FMNL2: variants seen among roughly 807,000 people sequenced by gnomAD.
FMNL2 encodes the protein formin like 2.
Under a neutral mutation model 130.2 loss-of-function variants are expected in FMNL2, and 51 were observed. The ratio of observed to expected loss-of-function variants is 0.39; its 90% CI spans 0.31 to 0.49. The LOEUF (loss-of-function observed/expected upper bound fraction) is 0.49, where lower values mean the gene tolerates loss of function less well. Ranked by LOEUF, FMNL2 falls within the 20% of genes least tolerant of loss-of-function variation. FMNL2 has a pLI of 0.85. For synonymous variants in FMNL2, 465 were observed against 467.1 expected, an observed-to-expected ratio of 1.00 and a Z score of 0.06; for missense variants, 977 against 1,316.2, an observed-to-expected ratio of 0.74 and a Z score of 3.99.
chr2:152,369,501 T>C (rs571794103), intron 1 of FMNL2, among the ~76,000 whole-genome samples: 2 of 152,346 alleles, frequency 1.3e-5, no homozygotes, highest in Admixed American at 6.5e-5. Context: ...TTTCATTTTA[T>C]TGAGTTTGCC....
chr2:152,423,953 C>A (rs917985618), intron 1 of FMNL2, among the ~76,000 whole-genome samples: 1 of 152,266 alleles, frequency 6.6e-6, no homozygotes, highest in South Asian at 2.1e-4. Context: ...TGCCCATTAA[C>A]CTTGCCTATT....
chr2:152,554,040 G>T (rs1006169992), intron 4 of FMNL2, among the ~76,000 whole-genome samples: 2 of 152,094 alleles, frequency 1.3e-5, no homozygotes, highest in Admixed American at 6.5e-5. Context: ...AAATTGAACG[G>T]CTAGTAACTA....
At chr2:152,571,896 A>ATT (rs34553108) in intron 6 of FMNL2, among the ~76,000 whole-genome samples, 200 of 151,530 alleles carry the variant, frequency 1.3e-3, no homozygotes, top group African/African-American at 3.3e-3. Context: ...TACTGCTGTG[A>ATT]TTTTTTTTTC....
intron 9 of FMNL2, among the ~76,000 whole-genome samples, chr2:152,607,068 C>G (rs17328272): frequency 0.24 from 29,899 of 125,286 alleles, 3,405 homozygotes; most frequent in Admixed American, 0.29. Context: ...CTAAAAAATT[C>G]GTGAGACTGC....
At chr2:152,568,332 C>T (rs765867913) in intron 6 of FMNL2, among the ~76,000 whole-genome samples, 14 of 150,948 alleles carry the variant, frequency 9.3e-5, no homozygotes, top group African/African-American at 2.0e-4. Flanking sequence ...TCTTTTGCCT[C>T]ACCCTCCCAA....
At chr2:152,616,327 G>GTTTTTTTTTTTTTTTTTTTTTTTGTGGTT (rs36107333) in intron 12 of FMNL2, among the ~76,000 whole-genome samples, 1 of 110,056 alleles carries the variant, frequency 9.1e-6, no homozygotes, top group Non-Finnish European at 1.8e-5. Context: ...ATTTTTGTGG[G>GTTTTTTTTTTTTTTTTTTTTTTTGTGGTT]TTTTTTTTTT....
At chr2:152,570,479 T>C (rs1400311044) in intron 6 of FMNL2, among the ~76,000 whole-genome samples, 1 of 152,202 alleles carries the variant, frequency 6.6e-6, no homozygotes, top group Non-Finnish European at 1.5e-5. Flanking sequence ...GACTCAGCTA[T>C]TTTCTGTCTC....
chr2:152,573,647 GTTA>G (rs768178840), intron 6 of FMNL2, among the ~76,000 whole-genome samples: 16 of 152,064 alleles, frequency 1.1e-4, no homozygotes, highest in Non-Finnish European at 2.2e-4. Flanking sequence ...AATTTATAAT[GTTA>G]TTATTTTAGA....
At chr2:152,496,016 A>C (rs146074811) in intron 1 of FMNL2, among the ~76,000 whole-genome samples, 2,136 of 150,144 alleles carry the variant, frequency 0.014, 31 homozygotes, top group Admixed American at 0.02. Flanking sequence ...AAAAAGTTGC[A>C]AACTAGTACA....
chr2:152,442,267 T>C (rs547736950), intron 1 of FMNL2, among the ~76,000 whole-genome samples: 57 of 152,158 alleles, frequency 3.7e-4, no homozygotes, highest in African/African-American at 1.3e-3. Flanking sequence ...TCTTTTTTTT[T>C]TGAGACGGAG....
At chr2:152,486,978 T>G (rs1037615706) in intron 1 of FMNL2, among the ~76,000 whole-genome samples, 4 of 152,238 alleles carry the variant, frequency 2.6e-5, no homozygotes, top group Admixed American at 6.5e-5. Context: ...CAAGTTATAT[T>G]AATTTAATAG....
At chr2:152,540,761 C>G (rs1056643606) in intron 2 of FMNL2, among the ~76,000 whole-genome samples, 2 of 151,788 alleles carry the variant, frequency 1.3e-5, no homozygotes, top group African/African-American at 2.4e-5. Flanking sequence ...TTAGTGGGTG[C>G]AGCGCACCAG....
chr2:152,353,562 A>T (rs1461012331), intron 1 of FMNL2, among the ~76,000 whole-genome samples: 1 of 152,196 alleles, frequency 6.6e-6, no homozygotes, highest in Non-Finnish European at 1.5e-5. Context: ...ATGATCTTGG[A>T]CTTTGGACTA....
chr2:152,421,466 G>A (rs187023508), intron 1 of FMNL2, among the ~76,000 whole-genome samples: 5 of 152,282 alleles, frequency 3.3e-5, no homozygotes, highest in Non-Finnish European at 5.9e-5. Context: ...GTGCAATTGT[G>A]AGATGTAAAT....
chr2:152,560,511 T>C (rs2105595670), intron 5 of FMNL2, among the ~76,000 whole-genome samples: 1 of 152,338 alleles, frequency 6.6e-6, no homozygotes, highest in Non-Finnish European at 1.5e-5. Flanking sequence ...AGTATAAGCC[T>C]AACATATTGA....
intron 1 of FMNL2, among the ~76,000 whole-genome samples, chr2:152,508,161 A>T (rs747266459): frequency 9.9e-5 from 15 of 152,048 alleles, no homozygotes; most frequent in Non-Finnish European, 2.1e-4. Context: ...CAATGAATGG[A>T]CCTATTTGTC....
intron 12 of FMNL2, 62 bp downstream of exon 12, chr2:152,615,062 A>G: frequency 6.4e-7 from 1 of 1,568,186 alleles, no homozygotes; most frequent in Middle Eastern, 1.7e-4. Flanking sequence ...AGCAGAATTA[A>G]TGTCAGCTTT....
chr2:152,431,965 T>TAAAAAAAAAAAAAAAAA lies in FMNL2; in HGVS notation c.118-89974_118-89958dup, dbSNP rs60639670. ...GGGCAACAGAGTGAAACCCTATCTT[T>TAAAAAAAAAAAAAAAAA]AAAAAAAAAAAAAAAAAAAAGATTT... is the stretch of plus-strand genomic sequence containing the variant. On this transcript the variant is annotated intron_variant, in intron 1 of 25. Coordinates refer to ENST00000288670, the MANE Select transcript of FMNL2 (RefSeq NM_052905.4). Among the ~76,000 whole-genome samples, 36 of 82,150 alleles carry TAAAAAAAAAAAAAAAAA rather than the reference T, an allele frequency of 4.4e-4. 3 individuals carry two copies. Among genetic ancestry groups the TAAAAAAAAAAAAAAAAA allele is most frequent in the African/African-American group, 2.1e-3 (33 of 15,620 alleles). 53.9% of individuals were successfully genotyped at this position (82,150 alleles called of 152,430 possible).
intron 1 of FMNL2, among the ~76,000 whole-genome samples, chr2:152,452,288 C>A (rs1256417422): frequency 1.3e-5 from 2 of 152,194 alleles, no homozygotes; most frequent in Non-Finnish European, 2.9e-5. Flanking sequence ...ACTTATCTAA[C>A]TCTGAGAAGC....
Sources: gnomAD v4.1 joint callset for allele counts (sites outside exome capture counted in the v4.1 genomes callset) on GRCh38, gnomAD v4.1.1 for gene constraint, MANE v1.5 for transcripts, NCBI Gene and HGNC (gene_info 2026-07-23, HGNC 2026-07-21) for gene names.